Variants in SOX5 observed in about 807,000 individuals in gnomAD.
The protein encoded by SOX5 is transcription factor SOX-5.
SOX5 carries 9 observed loss-of-function variants against 92.0 expected under a neutral mutation model. The observed-to-expected ratio is 0.10, with a 90% CI of 0.06 to 0.17. The LOEUF (loss-of-function observed/expected upper bound fraction) is 0.17. SOX5 is among the 10% of genes least tolerant of loss of function. SOX5 has a pLI of 1.00. For synonymous variants in SOX5, 344 were observed against 336.3 expected (o/e 1.02, Z -0.25); for missense variants, 642 against 944.5 (o/e 0.68, Z 4.20).
At chr12:24,259,985 A>G (rs954261089) in intron 3 of SOX5, among the ~76,000 whole-genome samples, 3 of 152,210 alleles carry the variant, frequency 2.0e-5, no homozygotes, top group Non-Finnish European at 4.4e-5. Context: ...TGGTAATAAG[A>G]GTAAAGAAAA....
chr12:24,053,630 A>G (rs1216665938), intron 4 of SOX5, among the ~76,000 whole-genome samples: 1 of 152,226 alleles, frequency 6.6e-6, no homozygotes, highest in Non-Finnish European at 1.5e-5. Context: ...ATTAAATAAC[A>G]TACATTTATA....
chr12:24,333,749 A>G (rs1444445104), intron 2 of SOX5, among the ~76,000 whole-genome samples: 1 of 151,902 alleles, frequency 6.6e-6, no homozygotes, highest in Non-Finnish European at 1.5e-5. Flanking sequence ...GCCAGGTTTC[A>G]ATATTGTTAG....
intron 3 of SOX5, among the ~76,000 whole-genome samples, chr12:23,784,740 C>T (rs1185960809): frequency 2.0e-5 from 3 of 152,152 alleles, no homozygotes; most frequent in Non-Finnish European, 4.4e-5. Context: ...ACTGATTCTT[C>T]AGTTTTGAAG....
chr12:23,909,385 T>C (rs918741105), intron 1 of SOX5, among the ~76,000 whole-genome samples: 9 of 152,168 alleles, frequency 5.9e-5, no homozygotes, highest in African/African-American at 2.2e-4. Context: ...TTCTCATCAT[T>C]TGTTAGAATA....
chr12:24,214,156 A>G (rs1958971415), intron 3 of SOX5, among the ~76,000 whole-genome samples: 1 of 152,128 alleles, frequency 6.6e-6, no homozygotes, highest in Non-Finnish European at 1.5e-5. Context: ...GTACTAGGAC[A>G]CTAAGTTATA....
chr12:23,646,063 A>G (rs2138888663), intron 7 of SOX5, among the ~76,000 whole-genome samples: 1 of 152,292 alleles, frequency 6.6e-6, no homozygotes, highest in Admixed American at 6.5e-5. Context: ...GCCTTCAGTG[A>G]GTTGTAATCT....
intron 4 of SOX5, among the ~76,000 whole-genome samples, chr12:24,029,622 C>A (rs992003257): frequency 9.9e-5 from 15 of 151,866 alleles, no homozygotes; most frequent in Admixed American, 9.2e-4. Flanking sequence ...TTTTGCCTGA[C>A]AAGTGAATAC....
chr12:23,950,415 CGTG>C (rs896877407), upstream of SOX5, among the ~76,000 whole-genome samples: 1 of 152,158 alleles, frequency 6.6e-6, no homozygotes, highest in African/African-American at 2.4e-5. Flanking sequence ...ACTGTTAGCT[CGTG>C]CTTTCCGCAA....
At chr12:24,223,730 A>G (rs1961104782) in intron 3 of SOX5, among the ~76,000 whole-genome samples, 1 of 152,208 alleles carries the variant, frequency 6.6e-6, no homozygotes, top group South Asian at 2.1e-4. Context: ...ACTCTAGCTC[A>G]GGCAATAGAG....
At chr12:23,611,693 C>A (rs756399562) in intron 8 of SOX5, among the ~76,000 whole-genome samples, 5 of 152,044 alleles carry the variant, frequency 3.3e-5, no homozygotes, top group Non-Finnish European at 7.4e-5. Flanking sequence ...CAGGAGCCAG[C>A]AGCATATGAC....
In SOX5 at chr12:24,442,606, A is replaced by G. The variant is rs139735060; in HGVS notation, c.-250-73967T>C. On this transcript the variant is annotated intron_variant, in intron 1 of 4. Transcript: ENST00000446891. ...CGTTAATGAGAAAGTCACATTGCAC[A>G]AAACTAGGAGGTGGTAAGGGAGCAA... is the stretch of plus-strand genomic sequence containing the variant. Among the ~76,000 whole-genome samples the G allele has an allele frequency of 3.4e-3, 520 of 152,340 alleles. 3 individuals are homozygous for G. The highest frequency in any genetic ancestry group is 0.012 in the African/African-American group (482 of 41,576).
intron 7 of SOX5, among the ~76,000 whole-genome samples, chr12:23,648,449 A>G (rs2081151410): frequency 6.6e-6 from 1 of 152,216 alleles, no homozygotes; most frequent in African/African-American, 2.4e-5. Context: ...ATACTCCAGA[A>G]TGTGACTATA....
At chr12:23,596,149 G>A (rs1952399896) in intron 9 of SOX5, among the ~76,000 whole-genome samples, 1 of 151,890 alleles carries the variant, frequency 6.6e-6, no homozygotes, top group African/African-American at 2.4e-5. Flanking sequence ...GAGTACTTCG[G>A]GTTTTTAAGT....
At chr12:24,492,188 G>A (rs1205995228) in intron 1 of SOX5, among the ~76,000 whole-genome samples, 1 of 152,044 alleles carries the variant, frequency 6.6e-6, no homozygotes, top group Non-Finnish European at 1.5e-5. Context: ...TGGTTAAAAA[G>A]GATTTCATAA....
chr12:23,557,467 C>A lies in SOX5; in HGVS notation c.1488+5791G>T, dbSNP rs1389812017. ...GCAATTAATGTTCAGTGAATAAATT[C>A]TCTGCCTTAAGAGATATATGCACAC... On this transcript the variant is annotated intron_variant, in intron 11 of 14. Transcript: ENST00000451604. Among the ~76,000 whole-genome samples the A allele has an allele frequency of 2.6e-5, 4 of 152,268 alleles. No individual in the cohort carries two copies. The South Asian group carries it at 8.3e-4, about 32-fold the overall frequency.
chr12:23,530,837 A>ATGTGTGTGTGTGTGTGTG lies in SOX5; in HGVS notation c.*3381_*3382insCACACACACACACACACA, dbSNP rs1555115200. 1 of 20,908 alleles carries ATGTGTGTGTGTGTGTGTG rather than the reference A, an allele frequency of 4.8e-5. No individual in the cohort carries two copies. The highest frequency in any genetic ancestry group is 9.8e-5 in the African/African-American group (1 of 10,194). The allele number at this position is 20,908 out of a possible 1,614,324, so 1.3% of individuals were successfully genotyped here. ...TGTGTGTGCGCGCGCGCGCGCGCGC[A>ATGTGTGTGTGTGTGTGTG]TGTGAGAGAGAGAGAGAAAGGGAAA... On this transcript the variant is annotated 3_prime_UTR_variant, in exon 15 of 15. Coordinates refer to ENST00000451604, the MANE Select transcript of SOX5 (RefSeq NM_006940.6).
chr12:23,703,441 C>G (rs1391541363), intron 6 of SOX5, among the ~76,000 whole-genome samples: 1 of 151,954 alleles, frequency 6.6e-6, no homozygotes, highest in African/African-American at 2.4e-5. Flanking sequence ...GGCCCACACT[C>G]TGGGTAAGAA....
intron 4 of SOX5, among the ~76,000 whole-genome samples, chr12:24,162,215 T>C (rs1189332051): frequency 1.3e-5 from 2 of 152,120 alleles, no homozygotes; most frequent in Non-Finnish European, 2.9e-5. Flanking sequence ...AGAGATACAA[T>C]AGACCAGAGC....
chr12:24,104,821 T>A (rs1162270909), intron 4 of SOX5, among the ~76,000 whole-genome samples: 1 of 152,224 alleles, frequency 6.6e-6, no homozygotes, highest in Non-Finnish European at 1.5e-5. Flanking sequence ...ACAGTTGGGT[T>A]TTATGTTCAA....
Sources: allele counts gnomAD v4.1 joint callset (sites outside exome capture counted in the v4.1 genomes callset), GRCh38; gene constraint gnomAD v4.1.1; transcripts MANE v1.5; gene names NCBI Gene and HGNC (gene_info 2026-07-23, HGNC 2026-07-21).